MED12L: variants seen among roughly 807,000 people sequenced by gnomAD.
MED12L encodes mediator of RNA polymerase II transcription subunit 12-like protein.
A neutral mutation model predicts 281.3 loss-of-function variants in MED12L; 60 were observed. The observed-to-expected ratio is 0.21, with a 90% CI of 0.17 to 0.26. MED12L has a LOEUF of 0.26. Ranked by LOEUF, MED12L falls within the 10% of genes least tolerant of loss-of-function variation. The pLI is 1.00. For synonymous variants in MED12L, 974 were observed against 987.2 expected (o/e 0.99, Z 0.25); for missense variants, 2,146 against 2,680.9 (o/e 0.80, Z 4.41).
chr3:151,241,171 C>T (rs899673960), intron 16 of MED12L, among the ~76,000 whole-genome samples: 7 of 152,240 alleles, frequency 4.6e-5, no homozygotes, highest in Admixed American at 2.6e-4. Flanking sequence ...TCTCCTTGCC[C>T]TTTGGCATCT....
At chr3:151,269,223 A>T (rs1577186761) in intron 16 of MED12L, among the ~76,000 whole-genome samples, 1 of 152,198 alleles carries the variant, frequency 6.6e-6, no homozygotes, top group East Asian at 1.9e-4. Flanking sequence ...CAACATGCAG[A>T]AACCCCATCT....
intron 3 of MED12L, among the ~76,000 whole-genome samples, chr3:151,120,653 C>T (rs891526334): frequency 1.3e-4 from 20 of 152,224 alleles, no homozygotes; most frequent in Admixed American, 9.8e-4. Flanking sequence ...GTTTACTCAC[C>T]TGTATCCACA....
intron 16 of MED12L, among the ~76,000 whole-genome samples, chr3:151,205,777 TG>T (rs746760869): frequency 3.3e-5 from 5 of 152,234 alleles, no homozygotes; most frequent in African/African-American, 1.2e-4. Flanking sequence ...ATGAAATTGC[TG>T]GGGACAGTGA....
intron 16 of MED12L, among the ~76,000 whole-genome samples, chr3:151,331,869 A>T (rs923173520): frequency 6.6e-6 from 1 of 152,222 alleles, no homozygotes; most frequent in Non-Finnish European, 1.5e-5. Flanking sequence ...TCCCCATATC[A>T]TGCAACCCAA....
chr3:151,102,563 A>G (rs751796130), intron 2 of MED12L, among the ~76,000 whole-genome samples: 15 of 152,008 alleles, frequency 9.9e-5, no homozygotes, highest in Non-Finnish European at 1.9e-4. Flanking sequence ...GTTCACTGCA[A>G]CCTCTACCTT....
intron 39 of MED12L, among the ~76,000 whole-genome samples, chr3:151,399,226 C>A (rs1468755308): frequency 2.0e-5 from 3 of 152,142 alleles, no homozygotes; most frequent in African/African-American, 7.2e-5. Context: ...TGTAAAACAG[C>A]CCTTAGAACA....
chr3:151,328,252 A>G, intron 16 of MED12L: 1 of 1,614,032 alleles, frequency 6.2e-7, no homozygotes, highest in South Asian at 1.1e-5. Context: ...GAAATGGAGC[A>G]AAACACACAA....
intron 27 of MED12L, among the ~76,000 whole-genome samples, chr3:151,373,796 T>C (rs1351639149): frequency 6.6e-6 from 1 of 152,160 alleles, no homozygotes; most frequent in Non-Finnish European, 1.5e-5. Flanking sequence ...TTCTGGCCCA[T>C]GTTGTACTTT....
chr3:151,127,878 T>C lies in MED12L; in HGVS notation c.450T>C (p.Ser150=). 1.9e-6 allele frequency: 3 copies of C among 1,613,608 alleles called. 1 individual carries two copies. In the South Asian group the frequency reaches 3.3e-5, roughly 18 times the overall value. ...TTTTTGCATATTTAGCTAAATATTCTGTGCCAATGGTTCGAGCAACGTGGC... is the reference window on the plus strand; with the variant it reads ...TTTTTGCATATTTAGCTAAATATTCCGTGCCAATGGTTCGAGCAACGTGGC... ...EDVFAYLAKY[S]VPMVRATWLI... is the part of the protein sequence containing the mutation. The change falls in exon 5 of 45, where the codon TCT becomes TCC. Residue 150 remains serine, a synonymous_variant. Coordinates refer to ENST00000687756, the MANE Select transcript of MED12L (RefSeq NM_001393769.1).
intron 16 of MED12L, among the ~76,000 whole-genome samples, chr3:151,243,957 G>A (rs1184082683): frequency 1.4e-5 from 2 of 146,116 alleles, no homozygotes; most frequent in Admixed American, 6.9e-5. Context: ...AAAAGGCAGG[G>A]GTTGCAATAC....
In MED12L at chr3:151,434,915, G is replaced by GGAA. The variant is rs1240461963; in HGVS notation, c.*2113_*2115dup. On this transcript the variant is annotated 3_prime_UTR_variant, in exon 45 of 45. Coordinates refer to ENST00000687756, the MANE Select transcript of MED12L (RefSeq NM_001393769.1). Reference sequence around the variant, plus strand: ...ATATCTTTTTTCTTTTTTTAGGTGAGGAAGTTATGCTACGACTCTAATTAA... The same window carrying GGAA: ...ATATCTTTTTTCTTTTTTTAGGTGAGGAAGAAGTTATGCTACGACTCTAATTAA... 1.3e-5 allele frequency: 2 copies of GGAA among 152,084 alleles called. No individual in the cohort carries two copies. Among genetic ancestry groups the GGAA allele is most frequent in the African/African-American group, 4.8e-5 (2 of 41,416 alleles). 9.4% of individuals were successfully genotyped at this position (152,084 alleles called of 1,614,324 possible). A position where few individuals can be genotyped will look rare whatever the true frequency, so the allele number is the denominator to read the frequency against.
intron 11 of MED12L, among the ~76,000 whole-genome samples, chr3:151,168,558 A>G (rs1347265264): frequency 1.3e-5 from 2 of 152,208 alleles, no homozygotes; most frequent in Non-Finnish European, 1.5e-5. Flanking sequence ...CCCATTTAGC[A>G]GTAATTATTT....
At chr3:151,097,186 C>T (rs1206769209) in intron 2 of MED12L, among the ~76,000 whole-genome samples, 1 of 152,146 alleles carries the variant, frequency 6.6e-6, no homozygotes. Flanking sequence ...ATGGGCAGCT[C>T]TCTTGAGAGA....
chr3:151,309,141 GCA>G (rs1553775156), intron 16 of MED12L, among the ~76,000 whole-genome samples: 1,725 of 147,520 alleles, frequency 0.012, 15 homozygotes, highest in African/African-American at 0.023. Flanking sequence ...ACACACACAC[GCA>G]CACACACACA....
At chr3:151,086,717 C>T (rs1719265163) in intron 1 of MED12L, 81 bp from the exon 2 acceptor site, 1 of 434,592 alleles carries the variant, frequency 2.3e-6, no homozygotes, top group Non-Finnish European at 4.1e-6. Flanking sequence ...GCCGAGTACC[C>T]GCCGAAGGCT....
intron 27 of MED12L, among the ~76,000 whole-genome samples, chr3:151,373,479 G>A (rs1296470759): frequency 6.6e-6 from 1 of 151,844 alleles, no homozygotes; most frequent in Non-Finnish European, 1.5e-5. Context: ...TCTTCTCCTT[G>A]TTTAACTCCC....
intron 8 of MED12L, 99 bp from the exon 9 acceptor site, chr3:151,163,794 C>CAATA: frequency 1.6e-6 from 2 of 1,222,154 alleles, no homozygotes; most frequent in Non-Finnish European, 2.3e-6. Context: ...TAGTAGGAGA[C>CAATA]AATAATACAG....
chr3:151,284,596 ATGTT>A (rs367758894), intron 16 of MED12L, among the ~76,000 whole-genome samples: 62 of 152,076 alleles, frequency 4.1e-4, no homozygotes, highest in South Asian at 1.9e-3. Flanking sequence ...TTTTTTATGT[ATGTT>A]TGTTTGTTTG....
chr3:151,213,641 A>C (rs1351124425), intron 16 of MED12L: 3 of 1,614,070 alleles, frequency 1.9e-6, no homozygotes, highest in Non-Finnish European at 2.5e-6. Context: ...TTTTTGACCG[A>C]AGTGGAATTC....
Sources: allele counts gnomAD v4.1 joint callset (sites outside exome capture counted in the v4.1 genomes callset), GRCh38; gene constraint gnomAD v4.1.1; transcripts MANE v1.5; gene names NCBI Gene and HGNC (gene_info 2026-07-23, HGNC 2026-07-21).